The following ST6GAL1 variants were observed in gnomAD, a reference collection of about 807,000 sequenced individuals.
ST6GAL1 encodes ST6 beta-galactoside alpha-2,6-sialyltransferase 1.
A neutral mutation model predicts 38.0 loss-of-function variants in ST6GAL1; 20 were observed. The ratio of observed to expected loss-of-function variants is 0.53; its 90% CI spans 0.37 to 0.77. ST6GAL1 has a LOEUF of 0.77. Among genes scored for constraint, ST6GAL1 ranks in the 30% least tolerant of loss-of-function variants. The pLI, the probability that ST6GAL1 is intolerant of heterozygous loss-of-function variation, is 0.00. For missense variants in ST6GAL1, 432 were observed against 496.4 expected, an observed-to-expected ratio of 0.87 and a Z score of 1.23; for synonymous variants, 196 against 188.2, an observed-to-expected ratio of 1.04 and a Z score of -0.34.
intron 2 of ST6GAL1, among the ~76,000 whole-genome samples, chr3:186,973,553 T>C (rs1447469480): frequency 5.9e-5 from 9 of 152,208 alleles, no homozygotes; most frequent in Non-Finnish European, 8.8e-5. Context: ...CAGGGGTGTC[T>C]GGGAAAGAGA....
intron 5 of ST6GAL1, among the ~76,000 whole-genome samples, chr3:187,053,175 T>G (rs928025895): frequency 1.3e-5 from 2 of 152,226 alleles, no homozygotes; most frequent in African/African-American, 4.8e-5. Flanking sequence ...TTTGTTTACA[T>G]TCTTTGTGGA....
intron 2 of ST6GAL1, among the ~76,000 whole-genome samples, chr3:187,027,852 A>C (rs1717600591): frequency 6.6e-6 from 1 of 152,196 alleles, no homozygotes; most frequent in Non-Finnish European, 1.5e-5. Context: ...AGGAGCCAGC[A>C]ACGAGACCAG....
chr3:187,032,737 G>T (rs958054153), intron 2 of ST6GAL1, among the ~76,000 whole-genome samples: 2 of 152,178 alleles, frequency 1.3e-5, no homozygotes, highest in Non-Finnish European at 2.9e-5. Context: ...CTCTTCCAAG[G>T]ATGCTGCCCA....
intron 2 of ST6GAL1, among the ~76,000 whole-genome samples, chr3:187,007,149 A>C (rs1716810193): frequency 6.6e-6 from 1 of 152,232 alleles, no homozygotes; most frequent in Non-Finnish European, 1.5e-5. Flanking sequence ...CTCACGATGA[A>C]CATGGATTTG....
intron 4 of ST6GAL1, among the ~76,000 whole-genome samples, chr3:187,046,363 G>A (rs1005313563): frequency 3.4e-4 from 51 of 152,202 alleles, no homozygotes; most frequent in Middle Eastern, 3.2e-3. Flanking sequence ...AGACTGAAGT[G>A]TGTGTGGATT....
intron 2 of ST6GAL1, among the ~76,000 whole-genome samples, chr3:186,978,994 C>T (rs1174806177): frequency 6.6e-6 from 1 of 151,964 alleles, no homozygotes; most frequent in Admixed American, 6.6e-5. Context: ...AGAGTTGGCA[C>T]CACCTCCTCG....
chr3:186,936,712 A>C (rs1304926118), intron 1 of ST6GAL1, among the ~76,000 whole-genome samples: 3 of 152,156 alleles, frequency 2.0e-5, no homozygotes, highest in Non-Finnish European at 4.4e-5. Context: ...AGGCTGAAGC[A>C]GCTGGATCAC....
chr3:187,060,782 G>A (rs931849160), intron 5 of ST6GAL1, among the ~76,000 whole-genome samples: 5 of 152,204 alleles, frequency 3.3e-5, no homozygotes, highest in African/African-American at 4.8e-5. Context: ...GAAATTAGAA[G>A]TCAGCCCCTT....
intron 2 of ST6GAL1, among the ~76,000 whole-genome samples, chr3:186,985,140 C>G (rs1393720966): frequency 6.6e-6 from 1 of 151,938 alleles, no homozygotes. Context: ...AACTCCTGAC[C>G]TCAAGTGATC....
At chr3:187,012,875 A>T (rs1338918728) in intron 2 of ST6GAL1, among the ~76,000 whole-genome samples, 2 of 152,216 alleles carry the variant, frequency 1.3e-5, no homozygotes, top group African/African-American at 4.8e-5. Context: ...CAGGGAAGTC[A>T]GCAGGCTTCA....
chr3:186,970,132 TTG>T (rs780845373), intron 2 of ST6GAL1, among the ~76,000 whole-genome samples: 4 of 152,152 alleles, frequency 2.6e-5, no homozygotes, highest in Non-Finnish European at 4.4e-5. Context: ...TGTGTATAGT[TTG>T]TGTCATTTTC....
intron 1 of ST6GAL1, among the ~76,000 whole-genome samples, chr3:186,945,089 C>G (rs1285465482): frequency 6.6e-6 from 1 of 152,080 alleles, no homozygotes; most frequent in African/African-American, 2.4e-5. Flanking sequence ...GAGGCAGAAG[C>G]CTGCGGATCG....
At chr3:186,933,502 C>T (rs562324862) in intron 1 of ST6GAL1, among the ~76,000 whole-genome samples, 1 of 152,142 alleles carries the variant, frequency 6.6e-6, no homozygotes, top group East Asian at 1.9e-4. Flanking sequence ...CCTGCATGGC[C>T]GAGCGAGCAC....
rs568384287 is a variant in ST6GAL1, at chr3:186,955,624, T to C, written c.-324-8161T>C. ...TTCAAGCGATTCTCTTGCCTCAGCC[T>C]CCTGAGTAGTTGGGACTACAGGTGC... On this transcript the variant is annotated intron_variant, in intron 1 of 7. Coordinates refer to ENST00000169298, the MANE Select transcript of ST6GAL1 (RefSeq NM_173216.2). Among the ~76,000 whole-genome samples, 160 of 152,262 alleles carry C rather than the reference T, an allele frequency of 1.1e-3. 4 individuals carry two copies. The highest frequency in any genetic ancestry group is 1.2e-3 in the Non-Finnish European group (84 of 68,008).
Position 187,015,510 on chromosome 3 carries a change from T to C in ST6GAL1, c.-182-23232T>C, listed in dbSNP as rs561782726. On this transcript the variant is annotated intron_variant, in intron 2 of 7. Coordinates refer to ENST00000169298, the MANE Select transcript of ST6GAL1 (RefSeq NM_173216.2). Reference sequence around the variant, plus strand: ...TGGCTTTGGCTGAAAGAGTCACAGGTCAAACAAGATGATCATCTTAGTACA... The same window carrying C: ...TGGCTTTGGCTGAAAGAGTCACAGGCCAAACAAGATGATCATCTTAGTACA... 8.5e-5 allele frequency among the ~76,000 whole-genome samples: 13 copies of C among 152,202 alleles called. No individual in the cohort carries two copies. In the South Asian group the frequency reaches 2.5e-3, roughly 29 times the overall value.
At position 187,043,219 on chromosome 3, in the gene ST6GAL1, G is replaced by C. The variant is rs1718189069; in HGVS notation, c.516G>C (p.Glu172Asp). Residue 172 changes from glutamate (E) to aspartate (D), a missense_variant, in exon 4 of 8, where the codon GAG becomes GAC. By Grantham distance (45) the Glu-to-Asp change is conservative. Transcript: ENST00000169298. ...TSEWEGYLPKESIRTKAGPWG... is the reference protein window; with the variant it reads ...TSEWEGYLPKDSIRTKAGPWG... ...AATGGGAGGGTTATCTGCCCAAGGAGAGCATTAGGACCAAGGCTGGGCCTT... is the reference window on the plus strand; with the variant it reads ...AATGGGAGGGTTATCTGCCCAAGGACAGCATTAGGACCAAGGCTGGGCCTT... 6.2e-7 allele frequency: 1 copy of C among 1,614,102 alleles called. No individual in the cohort carries two copies. The highest frequency in any genetic ancestry group is 8.5e-7 in the Non-Finnish European group (1 of 1,180,042).
chr3:187,021,542 C>G (rs574355777), intron 2 of ST6GAL1, among the ~76,000 whole-genome samples: 1 of 151,712 alleles, frequency 6.6e-6, no homozygotes, highest in Non-Finnish European at 1.5e-5. Context: ...GAGTTCGAGA[C>G]CAGCCTGACC....
chr3:187,064,887 A>G (rs1281794497), intron 5 of ST6GAL1, among the ~76,000 whole-genome samples: 3 of 152,202 alleles, frequency 2.0e-5, no homozygotes, highest in African/African-American at 7.2e-5. Context: ...CACAAGGAGA[A>G]CATCTGGCAC....
intron 5 of ST6GAL1, among the ~76,000 whole-genome samples, chr3:187,052,126 C>T (rs1374587252): frequency 6.6e-6 from 1 of 152,024 alleles, no homozygotes; most frequent in African/African-American, 2.4e-5. Context: ...TGGAACAGAT[C>T]AGAAATGCCT....
Sources: allele counts gnomAD v4.1 joint callset (sites outside exome capture counted in the v4.1 genomes callset), GRCh38; gene constraint gnomAD v4.1.1; transcripts MANE v1.5; gene names NCBI Gene and HGNC (gene_info 2026-07-23, HGNC 2026-07-21).